Variants in GNAQ observed in about 807,000 individuals in gnomAD.
The protein encoded by GNAQ is G protein subunit alpha q.
Under a neutral mutation model 43.9 loss-of-function variants are expected in GNAQ, and 8 were observed. The observed-to-expected ratio is 0.18, with a 90% CI of 0.11 to 0.33. The LOEUF (loss-of-function observed/expected upper bound fraction) is 0.33, where lower values mean the gene tolerates loss of function less well. Ranked by LOEUF, GNAQ falls within the 10% of genes least tolerant of loss-of-function variation. The pLI, the probability that GNAQ is intolerant of heterozygous loss-of-function variation, is 1.00. For synonymous variants in GNAQ, 155 were observed against 170.7 expected, an observed-to-expected ratio of 0.91 and a Z score of 0.71; for missense variants, 158 against 450.8, an observed-to-expected ratio of 0.35 and a Z score of 5.88.
intron 6 of GNAQ, among the ~76,000 whole-genome samples, chr9:77,724,839 T>C (rs1309837033): frequency 6.6e-6 from 1 of 152,092 alleles, no homozygotes; most frequent in East Asian, 1.9e-4. Context: ...AGATAAAAAG[T>C]ACAATTAAAA....
At chr9:77,810,277 C>G (rs1485549114) in intron 3 of GNAQ, among the ~76,000 whole-genome samples, 1 of 151,554 alleles carries the variant, frequency 6.6e-6, no homozygotes, top group African/African-American at 2.4e-5. Flanking sequence ...TGTCATGCAT[C>G]CATCCATCCT....
At chr9:78,030,913 G>GTGTGTGTC (rs1331396911) in intron 1 of GNAQ, among the ~76,000 whole-genome samples, 187 bp downstream of exon 1, 1 of 141,080 alleles carries the variant, frequency 7.1e-6, no homozygotes, top group Non-Finnish European at 1.6e-5. Context: ...GTGTGTGTGT[G>GTGTGTGTC]TGTGTGTCTG....
intron 1 of GNAQ, among the ~76,000 whole-genome samples, chr9:77,930,371 A>G (rs1037374871): frequency 3.3e-5 from 5 of 152,074 alleles, no homozygotes; most frequent in Non-Finnish European, 7.4e-5. Context: ...TGTTTTTCCT[A>G]CTCGTTTTTT....
intron 1 of GNAQ, among the ~76,000 whole-genome samples, chr9:77,949,455 G>C (rs1019012845): frequency 1.3e-4 from 20 of 152,216 alleles, no homozygotes; most frequent in African/African-American, 4.6e-4. Context: ...CTGGGGCTGA[G>C]AGAGGGCTCC....
chr9:77,733,906 A>T (rs1825533914), intron 5 of GNAQ, among the ~76,000 whole-genome samples: 1 of 152,242 alleles, frequency 6.6e-6, no homozygotes, highest in South Asian at 2.1e-4. Flanking sequence ...AGAGCTTGCA[A>T]GGAGGAAAAG....
chr9:77,846,708 T>C (rs1290880869), intron 2 of GNAQ, among the ~76,000 whole-genome samples: 2 of 152,138 alleles, frequency 1.3e-5, no homozygotes, highest in Non-Finnish European at 2.9e-5. Flanking sequence ...TGAACAAGGC[T>C]CTCTCCTTGG....
chr9:78,014,270 T>A (rs1197761436), intron 1 of GNAQ, among the ~76,000 whole-genome samples: 2 of 152,034 alleles, frequency 1.3e-5, no homozygotes, highest in Non-Finnish European at 2.9e-5. Flanking sequence ...ATACATCAAG[T>A]GTAACAAGAA....
chr9:77,991,681 C>T (rs1018237581), intron 1 of GNAQ, among the ~76,000 whole-genome samples: 2 of 152,092 alleles, frequency 1.3e-5, no homozygotes, highest in African/African-American at 4.8e-5. Context: ...AAGCAGTGTA[C>T]ACCGTACCCA....
At chr9:77,963,684 A>G (rs1323133697) in intron 1 of GNAQ, among the ~76,000 whole-genome samples, 1 of 152,160 alleles carries the variant, frequency 6.6e-6, no homozygotes, top group African/African-American at 2.4e-5. Flanking sequence ...GGGCCAAAGA[A>G]CACCAACACC....
chr9:77,729,329 A>G (rs1825449343), intron 5 of GNAQ, among the ~76,000 whole-genome samples: 1 of 152,198 alleles, frequency 6.6e-6, no homozygotes, highest in South Asian at 2.1e-4. Flanking sequence ...GTGGAGATAA[A>G]AATGTAATAT....
intron 1 of GNAQ, among the ~76,000 whole-genome samples, chr9:77,930,490 T>C (rs1373275909): frequency 6.6e-6 from 1 of 152,226 alleles, no homozygotes; most frequent in Admixed American, 6.5e-5. Flanking sequence ...ATTTGCACTA[T>C]GAAAGAAACG....
chr9:77,847,844 T>C (rs1827611935), intron 2 of GNAQ, among the ~76,000 whole-genome samples: 2 of 152,196 alleles, frequency 1.3e-5, no homozygotes, highest in Admixed American at 6.5e-5. Context: ...CCTTGGTTAG[T>C]CACTAAGAAG....
chr9:77,847,890 A>G (rs945712847), intron 2 of GNAQ, among the ~76,000 whole-genome samples: 1 of 152,222 alleles, frequency 6.6e-6, no homozygotes, highest in African/African-American at 2.4e-5. Flanking sequence ...TGGGGCCTAG[A>G]GATGCCTTTT....
chr9:77,928,592 T>C (rs1039005932), intron 1 of GNAQ, among the ~76,000 whole-genome samples: 2 of 152,210 alleles, frequency 1.3e-5, no homozygotes, highest in African/African-American at 4.8e-5. Flanking sequence ...CACTTGATCA[T>C]ACAAGGTTAT....
At chr9:77,835,234 G>C (rs1827364822) in intron 2 of GNAQ, among the ~76,000 whole-genome samples, 1 of 151,732 alleles carries the variant, frequency 6.6e-6, no homozygotes. Flanking sequence ...GTTTGATCAT[G>C]AGTAACTGAA....
intron 5 of GNAQ, among the ~76,000 whole-genome samples, chr9:77,735,856 C>A (rs1422856567): frequency 1.3e-5 from 2 of 152,154 alleles, no homozygotes; most frequent in African/African-American, 4.8e-5. Flanking sequence ...TTCAAATACT[C>A]TCCGTGTCCT....
rs190761258 is a variant in GNAQ, at chr9:77,806,199, T to C, written c.477-8551A>G. Among the ~76,000 whole-genome samples, 218 of 152,382 alleles carry C rather than the reference T, an allele frequency of 1.4e-3. 3 individuals are homozygous for C. Among genetic ancestry groups the C allele is most frequent in the African/African-American group, 5.0e-3 (210 of 41,596 alleles). ...TTTTCAATTTGCCTATTTGGCTTTG[T>C]TAATTTATTCATCTTTTATATATGA... is the stretch of plus-strand genomic sequence containing the variant. On this transcript the variant is annotated intron_variant, in intron 3 of 6. Transcript: ENST00000286548.
intron 2 of GNAQ, among the ~76,000 whole-genome samples, chr9:77,816,753 AAGGTT>A (rs1267663235): frequency 1.1e-4 from 16 of 152,206 alleles, no homozygotes; most frequent in South Asian, 4.1e-4. Flanking sequence ...ACTTCTAAAC[AAGGTT>A]AGGGAATGGC....
intron 1 of GNAQ, among the ~76,000 whole-genome samples, chr9:77,939,303 A>G (rs907009826): frequency 1.3e-5 from 2 of 152,254 alleles, no homozygotes; most frequent in African/African-American, 4.8e-5. Context: ...CTATTAATGC[A>G]TGCAACGGCT....
Sources: gnomAD v4.1 joint callset for allele counts (sites outside exome capture counted in the v4.1 genomes callset) on GRCh38, gnomAD v4.1.1 for gene constraint, MANE v1.5 for transcripts, NCBI Gene and HGNC (gene_info 2026-07-23, HGNC 2026-07-21) for gene names.